The following ECPAS variants were observed in gnomAD, a reference collection of about 807,000 sequenced individuals.
ECPAS encodes proteasome adapter and scaffold protein ECM29.
Under a neutral mutation model 255.1 loss-of-function variants are expected in ECPAS, and 70 were observed. The ratio of observed to expected loss-of-function variants is 0.27; its 90% CI spans 0.23 to 0.33. The LOEUF is 0.33. Among genes scored for constraint, ECPAS ranks in the 10% least tolerant of loss-of-function variants. The pLI, the probability that ECPAS is intolerant of heterozygous loss-of-function variation, is 1.00. For synonymous variants in ECPAS, 784 were observed against 775.0 expected (o/e 1.01, Z -0.19); for missense variants, 1,817 against 2,206.4 (o/e 0.82, Z 3.54).
Position 111,384,551 on chromosome 9 carries a change from C to T in ECPAS, c.3652G>A (p.Ala1218Thr). 1.2e-6 allele frequency: 2 copies of T among 1,613,794 alleles called. No individual in the cohort carries two copies. The highest frequency in any genetic ancestry group is 1.7e-6 in the Non-Finnish European group (2 of 1,179,774). ...DDIKESVRKA[A>T]ELALKTLSKV... is the part of the protein sequence containing the mutation. ...CTCAGAGTTTTCAGAGCTAGTTCTG[C>T]CGCTTTTCGTACAGATTCCTAAAAA... The change falls in exon 34 of 50, where the codon GCA (alanine) becomes ACA (threonine). Residue 1218 changes from alanine to threonine, a missense_variant. Ala to Thr is a moderately conservative substitution (Grantham distance 58). Around this residue, in one of 4 missense-constraint regions of ECPAS, gnomAD observed 960 missense variants for 1,179.0 expected, o/e 0.81. Coordinates refer to ENST00000684092, the MANE Select transcript of ECPAS (RefSeq NM_001364929.1).
At chr9:111,383,100 T>A in intron 35 of ECPAS, 111 bp downstream of exon 35, 3 of 1,297,556 alleles carry the variant, frequency 2.3e-6, no homozygotes, top group Non-Finnish European at 2.1e-6. Context: ...GACCCAAGGG[T>A]CATTCTCCTA....
intron 2 of ECPAS, among the ~76,000 whole-genome samples, chr9:111,458,187 A>G (rs1304472028): frequency 6.6e-6 from 1 of 152,220 alleles, no homozygotes; most frequent in African/African-American, 2.4e-5. Flanking sequence ...CAACGGACCT[A>G]TATTTTCATG....
intron 24 of ECPAS, among the ~76,000 whole-genome samples, chr9:111,401,561 T>C (rs1459489364): frequency 1.3e-5 from 2 of 152,194 alleles, no homozygotes. Flanking sequence ...AGCAGACAAT[T>C]AGTCTGACTA....
At chr9:111,403,311 G>C (rs1043171326) in intron 24 of ECPAS, among the ~76,000 whole-genome samples, 1 of 151,286 alleles carries the variant, frequency 6.6e-6, no homozygotes, top group African/African-American at 2.4e-5. Context: ...ACTGAGCTGA[G>C]ATTGCTGCAC....
chr9:111,389,720 C>A lies in ECPAS; in HGVS notation c.3283G>T (p.Ala1095Ser), dbSNP rs747039801. Residue 1095 changes from alanine (A) to serine (S), a missense_variant, in exon 31 of 50, where the codon GCT becomes TCT. Around this residue, in one of 4 missense-constraint regions of ECPAS, gnomAD observed 960 missense variants for 1,179.0 expected, o/e 0.81. Coordinates refer to ENST00000684092, the MANE Select transcript of ECPAS (RefSeq NM_001364929.1). Reference protein sequence around the residue: ...HHAMWNSRKGAAFGFNVIATR... With the variant: ...HHAMWNSRKGSAFGFNVIATR... ...GCAATTACATTAAAACCAAAAGCAG[C>A]ACCCTAAAAATAATAGGCTGAAGTG... 4.4e-6 allele frequency: 7 copies of A among 1,607,592 alleles called. No homozygotes were observed. The highest frequency in any genetic ancestry group is 3.3e-4 in the Middle Eastern group (2 of 6,008).
intron 1 of ECPAS, among the ~76,000 whole-genome samples, chr9:111,476,574 A>ATTTTTTTTTT (rs58723893): frequency 1.9e-5 from 2 of 105,942 alleles, no homozygotes; most frequent in Non-Finnish European, 1.8e-5. Context: ...TAACATCAGA[A>ATTTTTTTTTT]TTTTTTTTTT....
intron 5 of ECPAS, among the ~76,000 whole-genome samples, chr9:111,441,677 A>T (rs1362432205): frequency 6.6e-6 from 1 of 152,220 alleles, no homozygotes; most frequent in African/African-American, 2.4e-5. Context: ...CAACAATTAC[A>T]AACAGTACTT....
chr9:111,475,282 C>T (rs536090941), intron 1 of ECPAS, among the ~76,000 whole-genome samples: 3 of 152,290 alleles, frequency 2.0e-5, no homozygotes, highest in East Asian at 1.9e-4. Context: ...AGGTCTGAAA[C>T]GAGAGCTCAG....
chr9:111,370,410 G>C, intron 45 of ECPAS, 25 bp downstream of exon 45: 1 of 1,472,634 alleles, frequency 6.8e-7, no homozygotes, highest in East Asian at 2.3e-5. Flanking sequence ...GTATAAACCA[G>C]AACTGAGGAT....
At chr9:111,443,942 C>A (rs1343933323) in intron 4 of ECPAS, among the ~76,000 whole-genome samples, 2 of 152,200 alleles carry the variant, frequency 1.3e-5, no homozygotes, top group Non-Finnish European at 2.9e-5. Context: ...TGAATATACA[C>A]ATCAAAAACA....
intron 1 of ECPAS, among the ~76,000 whole-genome samples, chr9:111,477,258 G>A (rs917618453): frequency 2.6e-5 from 4 of 151,658 alleles, no homozygotes; most frequent in South Asian, 2.1e-4. Flanking sequence ...ACAGGTGCAC[G>A]TCCCAACACC....
In ECPAS at chr9:111,412,042, T is replaced by G; in HGVS notation, c.2186A>C (p.Gln729Pro). 6.3e-7 allele frequency: 1 copy of G among 1,581,496 alleles called. No individual in the cohort carries two copies. Among genetic ancestry groups the G allele is most frequent in the Non-Finnish European group, 8.5e-7 (1 of 1,171,102 alleles). Residue 729 changes from glutamine (Q) to proline (P), a missense_variant, in exon 21 of 50, where the codon CAG becomes CCG. Coordinates refer to ENST00000684092, the MANE Select transcript of ECPAS (RefSeq NM_001364929.1). Reference protein sequence around the residue: ...SGNELKSMIEQLIKTTKDNHS... With the variant: ...SGNELKSMIEPLIKTTKDNHS... ...ATTGTCTTTTGTAGTCTTTATAAGC[T>G]GTTCTATCATTGATTTCAACTCATT...
At chr9:111,396,932 G>A (rs2098168444) in intron 25 of ECPAS, 98 bp downstream of exon 25, 1 of 1,422,596 alleles carries the variant, frequency 7.0e-7, no homozygotes, top group Non-Finnish European at 9.8e-7. Flanking sequence ...TTTGAAAACA[G>A]TAATATGGAA....
chr9:111,444,464 G>A lies in ECPAS; in HGVS notation c.184C>T (p.Arg62Cys), dbSNP rs1169083287. The change falls in exon 4 of 50, where the codon CGT becomes TGT. Residue 62 changes from arginine (R) to cysteine (C), a missense_variant. This residue lies in a region of ECPAS where 90 missense variants were observed against 158.5 expected (regional missense o/e 0.57). Coordinates refer to ENST00000684092, the MANE Select transcript of ECPAS (RefSeq NM_001364929.1). ...TGTATTTTGGGGCGGCTTTTTATAC[G>A]TTTATTCAGATGGACCAGCAGTTCC... ...VMELLVHLNK[R>C]IKSRPKIQLP... 3.1e-6 allele frequency: 5 copies of A among 1,613,550 alleles called. No homozygotes were observed. Among genetic ancestry groups the A allele is most frequent in the East Asian group, 2.2e-5 (1 of 44,852 alleles).
At chr9:111,366,434 G>A in intron 47 of ECPAS, 88 bp downstream of exon 47, 2 of 1,283,388 alleles carry the variant, frequency 1.6e-6, no homozygotes, top group Non-Finnish European at 2.2e-6. Flanking sequence ...TTAGCTACCA[G>A]TTTTTAAATG....
chr9:111,447,894 C>A (rs558227618), intron 3 of ECPAS, among the ~76,000 whole-genome samples: 2 of 152,156 alleles, frequency 1.3e-5, no homozygotes, highest in Admixed American at 6.5e-5. Flanking sequence ...CCTTTCACAG[C>A]CCCTTGAAGA....
chr9:111,479,939 C>A (rs1192317910), intron 1 of ECPAS, among the ~76,000 whole-genome samples: 1 of 150,156 alleles, frequency 6.7e-6, no homozygotes, highest in African/African-American at 2.5e-5. Context: ...AGATCGCGCG[C>A]CACTGCACAC....
chr9:111,378,843 G>A (rs1275766460), intron 35 of ECPAS, 113 bp from the exon 36 acceptor site: 3 of 1,040,636 alleles, frequency 2.9e-6, no homozygotes, highest in East Asian at 2.7e-5. Context: ...ATTTTCACAT[G>A]GTTGCAGAGC....
intron 29 of ECPAS, 108 bp downstream of exon 29, chr9:111,391,647 AT>A (rs2098160379): frequency 1.4e-6 from 1 of 689,690 alleles, no homozygotes; most frequent in South Asian, 2.0e-5. Flanking sequence ...AATAGATAAC[AT>A]TTCCTAAGAG....
Sources: gnomAD v4.1 joint callset for allele counts (sites outside exome capture counted in the v4.1 genomes callset) on GRCh38, gnomAD v4.1.1 for gene constraint, gnomAD v4.1.1 regional missense constraint, MANE v1.5 for transcripts, NCBI Gene and HGNC (gene_info 2026-07-23, HGNC 2026-07-21) for gene names.